Variants in PGPEP1L observed in about 807,000 individuals in gnomAD.
PGPEP1L encodes the protein pyroglutamyl-peptidase I like, also known as pyroglutamyl-peptidase 1-like protein.
In PGPEP1L, 7 loss-of-function variants were observed where a neutral mutation model predicts 6.0. The observed-to-expected ratio is 1.17, with a 90% CI of 0.66 to 2.19. The LOEUF (loss-of-function observed/expected upper bound fraction) is 2.19, where lower values mean the gene tolerates loss of function less well. PGPEP1L is among the 30% of genes most tolerant of loss of function. The pLI is 0.00. For synonymous variants in PGPEP1L, 103 were observed against 83.9 expected (o/e 1.23, Z -1.24); for missense variants, 209 against 192.5 (o/e 1.09, Z -0.51).
intron 2 of PGPEP1L, among the ~76,000 whole-genome samples, chr15:99,001,760 T>C (rs2017975011): frequency 6.6e-6 from 1 of 152,180 alleles, no homozygotes; most frequent in Non-Finnish European, 1.5e-5. Flanking sequence ...CCCTGTCACG[T>C]AGGCTGGAGT....
At chr15:99,001,701 T>TA (rs782066645) in intron 2 of PGPEP1L, among the ~76,000 whole-genome samples, 1 of 149,528 alleles carries the variant, frequency 6.7e-6, no homozygotes, top group East Asian at 2.0e-4. Context: ...TTCATTTATA[T>TA]ATTTGTGTTT....
At chr15:98,990,855 G>A (rs2017809242) in intron 2 of PGPEP1L, among the ~76,000 whole-genome samples, 1 of 152,204 alleles carries the variant, frequency 6.6e-6, no homozygotes, top group African/African-American at 2.4e-5. Context: ...ACCTGCTCCT[G>A]AATGACTACT....
intron 2 of PGPEP1L, among the ~76,000 whole-genome samples, chr15:98,995,193 T>C (rs1299194053): frequency 2.0e-5 from 3 of 152,254 alleles, no homozygotes; most frequent in Non-Finnish European, 4.4e-5. Context: ...GAACATCACA[T>C]TTTATCGTCC....
chr15:99,007,166 A>C (rs1223143727), intron 1 of PGPEP1L, among the ~76,000 whole-genome samples, 193 bp downstream of exon 1: 1 of 152,134 alleles, frequency 6.6e-6, no homozygotes, highest in Non-Finnish European at 1.5e-5. Context: ...GGGAAGCGCC[A>C]TTTGCTCCCA....
intron 3 of PGPEP1L, 148 bp from the exon 4 acceptor site, chr15:98,969,799 C>T: frequency 2.8e-6 from 2 of 715,882 alleles, no homozygotes; most frequent in Non-Finnish European, 4.7e-6. Context: ...CCAGGATCCC[C>T]CACCAGTGTC....
chr15:98,992,702 C>T (rs535003429), intron 2 of PGPEP1L, among the ~76,000 whole-genome samples: 1 of 152,310 alleles, frequency 6.6e-6, no homozygotes, highest in African/African-American at 2.4e-5. Context: ...AACTATACTA[C>T]AAGGCTGCAG....
At chr15:98,971,190 TTGATGGG>T in intron 2 of PGPEP1L, 32 bp from the exon 3 acceptor site, 1 of 691,038 alleles carries the variant, frequency 1.4e-6, no homozygotes. Flanking sequence ...CTTGCCTCAG[TTGATGGG>T]GGGGGGGGGG....
At chr15:98,991,384 T>C (rs147575379) in intron 2 of PGPEP1L, among the ~76,000 whole-genome samples, 2,474 of 152,206 alleles carry the variant, frequency 0.016, 87 homozygotes, top group African/African-American at 0.057. Context: ...CCTGGACACA[T>C]ACACCCTCCC....
At chr15:98,978,304 A>C (rs1203282623) in intron 2 of PGPEP1L, among the ~76,000 whole-genome samples, 1 of 152,172 alleles carries the variant, frequency 6.6e-6, no homozygotes, top group African/African-American at 2.4e-5. Flanking sequence ...TGAGAGGTGC[A>C]ACTTCCCAAG....
intron 3 of PGPEP1L, among the ~76,000 whole-genome samples, chr15:98,970,041 T>G (rs2017471384): frequency 6.6e-6 from 1 of 152,034 alleles, no homozygotes; most frequent in South Asian, 2.1e-4. Context: ...ATTTTATATT[T>G]TATTTATGTA....
chr15:98,997,783 T>TC (rs1191423176), intron 2 of PGPEP1L, among the ~76,000 whole-genome samples: 2 of 151,926 alleles, frequency 1.3e-5, no homozygotes, highest in Admixed American at 6.6e-5. Flanking sequence ...GAAATGACTT[T>TC]CCCCCGGGCC....
intron 2 of PGPEP1L, among the ~76,000 whole-genome samples, chr15:98,978,484 G>C (rs2017601618): frequency 6.6e-6 from 1 of 152,074 alleles, no homozygotes; most frequent in Non-Finnish European, 1.5e-5. Context: ...CATTTTTCAA[G>C]ATTTGTACCA....
In PGPEP1L at chr15:98,968,231, A is replaced by C. The variant is rs1729921285; in HGVS notation, c.*247T>G. 1 of 487,166 alleles carries C rather than the reference A, an allele frequency of 2.1e-6. No homozygotes were observed. The highest frequency in any genetic ancestry group is 5.8e-4 in the Middle Eastern group (1 of 1,738). 30.2% of individuals were successfully genotyped at this position (487,166 alleles called of 1,614,324 possible). ...GTAGATTTTTGGAAGAAAACAGATG[A>C]CTCGGATTTCATTTTATTGTCATGA... On this transcript the variant is annotated 3_prime_UTR_variant, in exon 5 of 5. Transcript: ENST00000535714.
At chr15:98,998,932 G>A (rs1050440342) in intron 2 of PGPEP1L, among the ~76,000 whole-genome samples, 3 of 152,142 alleles carry the variant, frequency 2.0e-5, no homozygotes, top group South Asian at 2.1e-4. Context: ...CTGAGATTGC[G>A]CCACTTAACT....
intron 2 of PGPEP1L, among the ~76,000 whole-genome samples, chr15:98,978,634 T>C (rs2017604401): frequency 6.6e-6 from 1 of 151,640 alleles, no homozygotes; most frequent in Non-Finnish European, 1.5e-5. Flanking sequence ...TTAGACATTC[T>C]GCTGCCCTAA....
In PGPEP1L at chr15:99,007,698, G is replaced by GA. The variant is rs1247261349; in HGVS notation, c.-710_-709insT. ...GTGAGCGTTACAGCTCATAAAGGCA[G>GA]TGCGGACCCAAACAGTAAGCAGCAG... On this transcript the variant is annotated 5_prime_UTR_variant, in exon 1 of 5. Transcript: ENST00000535714. The GA allele has an allele frequency of 3.9e-5, 6 of 152,220 alleles. No individual in the cohort carries two copies. The highest frequency in any genetic ancestry group is 8.8e-5 in the Non-Finnish European group (6 of 68,076). The allele number at this position is 152,220 out of a possible 1,614,324, so 9.4% of individuals were successfully genotyped here. A position where few individuals can be genotyped will look rare whatever the true frequency, so the allele number is the denominator to read the frequency against.
intron 2 of PGPEP1L, among the ~76,000 whole-genome samples, chr15:99,003,708 A>G (rs1384815102): frequency 6.7e-6 from 1 of 148,278 alleles, no homozygotes; most frequent in Non-Finnish European, 1.5e-5. Context: ...TCCAGCGGGC[A>G]TTCCCAAATC....
At chr15:99,002,134 C>A (rs1172336887) in intron 2 of PGPEP1L, among the ~76,000 whole-genome samples, 2 of 152,132 alleles carry the variant, frequency 1.3e-5, no homozygotes, top group Non-Finnish European at 2.9e-5. Flanking sequence ...ACGTCAGCCT[C>A]CCGAGTAGCT....
intron 2 of PGPEP1L, among the ~76,000 whole-genome samples, chr15:99,000,814 A>G (rs1461053940): frequency 6.6e-6 from 1 of 152,164 alleles, no homozygotes; most frequent in Non-Finnish European, 1.5e-5. Context: ...GAGAAAAAAA[A>G]GCAGGCTGCG....
Sources: gnomAD v4.1 joint callset for allele counts (sites outside exome capture counted in the v4.1 genomes callset) on GRCh38, gnomAD v4.1.1 for gene constraint, MANE v1.5 for transcripts, NCBI Gene and HGNC (gene_info 2026-07-23, HGNC 2026-07-21) for gene names.